Variants in SERINC5 observed in about 807,000 individuals in gnomAD.
SERINC5 encodes the protein chromosome 5 open reading frame 12.
Under a neutral mutation model 63.1 loss-of-function variants are expected in SERINC5, and 41 were observed. The ratio of observed to expected loss-of-function variants is 0.65; its 90% CI spans 0.51 to 0.84. The LOEUF (loss-of-function observed/expected upper bound fraction) is 0.84, where lower values mean the gene tolerates loss of function less well. SERINC5 is among the 40% of genes least tolerant of loss of function. SERINC5 has a pLI of 0.00. For missense variants in SERINC5, 523 were observed against 573.0 expected (o/e 0.91, Z 0.89); for synonymous variants, 222 against 215.2 (o/e 1.03, Z -0.28).
rs960609544 is a variant in SERINC5, at chr5:80,230,542, T to A, written c.27+25354A>T. Among the ~76,000 whole-genome samples, 4 of 146,678 alleles carry A rather than the reference T, an allele frequency of 2.7e-5. No homozygotes were observed. The East Asian group carries it at 7.7e-4, about 28-fold the overall frequency. On this transcript the variant is annotated intron_variant, in intron 1 of 11. Transcript: ENST00000507668. ...GGGCTTGAGGGAAGTTTTATAACCA[T>A]GTAAAACAAATAATAATGCAACAAC...
chr5:80,170,477 G>C (rs1193334145), intron 5 of SERINC5, among the ~76,000 whole-genome samples: 1 of 152,200 alleles, frequency 6.6e-6, no homozygotes, highest in Non-Finnish European at 1.5e-5. Flanking sequence ...TCTATGGGCA[G>C]GTGGGGGGAG....
chr5:80,138,247 G>C (rs1745292445), downstream of SERINC5, among the ~76,000 whole-genome samples: 1 of 152,060 alleles, frequency 6.6e-6, no homozygotes, highest in African/African-American at 2.4e-5. Context: ...AAGTTCAGGA[G>C]ATCTACTGTG....
At chr5:80,123,819 G>A (rs944025149) in intron 11 of SERINC5, among the ~76,000 whole-genome samples, 1 of 152,172 alleles carries the variant, frequency 6.6e-6, no homozygotes, top group African/African-American at 2.4e-5. Context: ...GAAGGGGAAG[G>A]TAGCTTATTC....
intron 11 of SERINC5, among the ~76,000 whole-genome samples, chr5:80,145,436 CG>C (rs955059966): frequency 3.2e-5 from 4 of 126,306 alleles, no homozygotes; most frequent in African/African-American, 9.3e-5. Flanking sequence ...GAAGTAGAGG[CG>C]GGGGGGTACC....
At chr5:80,193,849 G>A (rs984268067) in intron 2 of SERINC5, among the ~76,000 whole-genome samples, 24 of 152,238 alleles carry the variant, frequency 1.6e-4, no homozygotes, top group African/African-American at 5.3e-4. Context: ...TGTTATCTCC[G>A]GATGAAATTT....
intron 1 of SERINC5, among the ~76,000 whole-genome samples, chr5:80,209,357 A>C (rs1750326719): frequency 2.0e-5 from 3 of 152,166 alleles, no homozygotes; most frequent in African/African-American, 7.2e-5. Context: ...GAGGACACAC[A>C]CACAGGGACA....
At position 80,175,884 on chromosome 5, in the gene SERINC5, AAGG is replaced by A. The variant is rs1191482533; in HGVS notation, c.458-840_458-838del. On this transcript the variant is annotated intron_variant, in intron 4 of 11. Transcript: ENST00000507668. ...GTCTCAAAAAAAAAAAAAAAAAAAA[AAGG>A]ACTGAGCTTGGCCGGCCGCAGTGGC... Among the ~76,000 whole-genome samples the A allele has an allele frequency of 3.5e-5, 4 of 114,484 alleles. No individual in the cohort carries two copies. The Admixed American group carries it at 3.5e-4, about 10-fold the overall frequency. The allele number at this position is 114,484 out of a possible 152,430, so 75.1% of individuals were successfully genotyped here.
downstream of SERINC5, among the ~76,000 whole-genome samples, chr5:80,134,484 TCAAAACAAAA>T (rs886921790): frequency 6.6e-6 from 1 of 152,056 alleles, no homozygotes; most frequent in African/African-American, 2.4e-5. Flanking sequence ...AGACTCTGTC[TCAAAACAAAA>T]CAAAACAAAA....
chr5:80,238,416 A>C (rs992847085), intron 1 of SERINC5, among the ~76,000 whole-genome samples: 16 of 152,118 alleles, frequency 1.1e-4, no homozygotes, highest in African/African-American at 3.9e-4. Flanking sequence ...AACTTAAACA[A>C]CTGCTTGAGA....
At chr5:80,254,660 A>C (rs1752569002) in intron 1 of SERINC5, among the ~76,000 whole-genome samples, 1 of 152,190 alleles carries the variant, frequency 6.6e-6, no homozygotes, top group African/African-American at 2.4e-5. Context: ...CTTGTTCTCA[A>C]ATACCTGGTA....
At chr5:80,248,807 C>T (rs548809067) in intron 1 of SERINC5, among the ~76,000 whole-genome samples, 2 of 152,170 alleles carry the variant, frequency 1.3e-5, no homozygotes, top group East Asian at 1.9e-4. Context: ...TTTGGACAGA[C>T]GTTATCTGTG....
At chr5:80,236,634 T>C (rs1751702753) in intron 1 of SERINC5, among the ~76,000 whole-genome samples, 1 of 151,548 alleles carries the variant, frequency 6.6e-6, no homozygotes, top group Non-Finnish European at 1.5e-5. Context: ...CAAGCAATTC[T>C]CCTGCCTCAG....
Position 80,141,513 on chromosome 5 carries a change from G to A in SERINC5, c.*2150C>T, listed in dbSNP as rs1745504491. Reference sequence around the variant, plus strand: ...AGCCAGACCCAGCCGAGAGGACAAAGCAAGGGCTCTGCTAGACCTCAGCAG... The same window carrying A: ...AGCCAGACCCAGCCGAGAGGACAAAACAAGGGCTCTGCTAGACCTCAGCAG... On this transcript the variant is annotated 3_prime_UTR_variant, in exon 12 of 12. Transcript: ENST00000507668. 6.1e-6 allele frequency: 6 copies of A among 985,532 alleles called. No individual in the cohort carries two copies. The South Asian group carries it at 2.3e-4, about 39-fold the overall frequency. 61.0% of individuals were successfully genotyped at this position (985,532 alleles called of 1,614,324 possible).
chr5:80,132,921 G>A (rs944274846), intron 11 of SERINC5, among the ~76,000 whole-genome samples: 2 of 152,202 alleles, frequency 1.3e-5, no homozygotes, highest in Non-Finnish European at 2.9e-5. Flanking sequence ...CAGTGAGAAG[G>A]CTGTTGGTGT....
At chr5:80,251,575 C>T (rs1057105819) in intron 1 of SERINC5, among the ~76,000 whole-genome samples, 2 of 151,844 alleles carry the variant, frequency 1.3e-5, no homozygotes. Flanking sequence ...ACTGAAAATG[C>T]AAAAATTAGC....
rs1749040482 is a variant in SERINC5, at chr5:80,189,379, G to C, written c.196-11315C>G. On this transcript the variant is annotated intron_variant, in intron 2 of 11. Transcript: ENST00000507668. ...TGTAAGCAATGCCCCTACAACCAAA[G>C]CCGGGAAGAGAGTGAATAGGACCCT... Among the ~76,000 whole-genome samples the C allele has an allele frequency of 2.0e-5, 3 of 152,260 alleles. No individual in the cohort carries two copies. In the South Asian group the frequency reaches 6.2e-4, roughly 32 times the overall value.
Position 80,255,912 on chromosome 5 carries a change from TGA to T in SERINC5, c.9_10del (p.Gln4ValfsTer20). 1 of 1,572,798 alleles carries T rather than the reference TGA, an allele frequency of 6.4e-7. No individual in the cohort carries two copies. The highest frequency in any genetic ancestry group is 8.6e-7 in the Non-Finnish European group (1 of 1,166,586). On this transcript the variant is annotated frameshift_variant, in exon 1 of 12. Coordinates refer to ENST00000507668, the MANE Select transcript of SERINC5 (RefSeq NM_001174072.3). LOFTEE classifies it high-confidence loss of function. Reference sequence around the variant, plus strand: ...CTCGCTCACCTGGCCCGCACAGCACTGAGCTGACATCGCGGCGGCCAATGCCG... The same window carrying T: ...CTCGCTCACCTGGCCCGCACAGCACTGCTGACATCGCGGCGGCCAATGCCG...
At chr5:80,222,765 G>A (rs543259153) in intron 1 of SERINC5, among the ~76,000 whole-genome samples, 11 of 151,946 alleles carry the variant, frequency 7.2e-5, no homozygotes, top group Non-Finnish European at 1.6e-4. Flanking sequence ...GTAGAGATGG[G>A]ATTTCACCAT....
At chr5:80,209,993 G>A (rs1750356391) in intron 1 of SERINC5, among the ~76,000 whole-genome samples, 1 of 151,924 alleles carries the variant, frequency 6.6e-6, no homozygotes, top group South Asian at 2.1e-4. Flanking sequence ...CACGGGTCGA[G>A]GCTGCAGTGA....
Sources: allele counts gnomAD v4.1 joint callset (sites outside exome capture counted in the v4.1 genomes callset), GRCh38; gene constraint gnomAD v4.1.1; transcripts MANE v1.5; gene names NCBI Gene and HGNC (gene_info 2026-07-23, HGNC 2026-07-21).